The following GRIK1 variants were observed in gnomAD, a reference collection of about 807,000 sequenced individuals.
GRIK1 encodes the protein glutamate receptor ionotropic, kainate 1.
In GRIK1, 69 loss-of-function variants were observed where a neutral mutation model predicts 105.7. The ratio of observed to expected loss-of-function variants is 0.65; its 90% CI spans 0.54 to 0.80. The LOEUF (loss-of-function observed/expected upper bound fraction) is 0.80. Ranked by LOEUF, GRIK1 falls within the 30% of genes least tolerant of loss-of-function variation. The pLI, the probability that GRIK1 is intolerant of heterozygous loss-of-function variation, is 0.00. For missense variants in GRIK1, 1,109 were observed against 1,167.3 expected (o/e 0.95, Z 0.73); for synonymous variants, 438 against 431.3 (o/e 1.02, Z -0.19).
chr21:29,545,348 C>T (rs1280595718), intron 16 of GRIK1, among the ~76,000 whole-genome samples: 1 of 152,232 alleles, frequency 6.6e-6, no homozygotes, highest in Non-Finnish European at 1.5e-5. Flanking sequence ...TTCAGAGTCA[C>T]TGTCAGAGGC....
intron 1 of GRIK1, among the ~76,000 whole-genome samples, chr21:29,739,112 G>A (rs80269990): frequency 0.025 from 3,733 of 152,232 alleles, 130 homozygotes; most frequent in East Asian, 0.1. Flanking sequence ...TGGAGAAAAA[G>A]GACATTAAAA....
intron 4 of GRIK1, among the ~76,000 whole-genome samples, chr21:29,669,911 G>C (rs1451093384): frequency 6.6e-6 from 1 of 152,000 alleles, no homozygotes; most frequent in Non-Finnish European, 1.5e-5. Context: ...TTTTCTCCAG[G>C]GCAAATGGAG....
intron 1 of GRIK1, among the ~76,000 whole-genome samples, chr21:29,834,642 C>T: frequency 6.6e-6 from 1 of 151,122 alleles, no homozygotes; most frequent in East Asian, 1.9e-4. Context: ...ACTTCTTCAC[C>T]TCTCAGCTTT....
intron 4 of GRIK1, among the ~76,000 whole-genome samples, chr21:29,666,460 G>A (rs532035966): frequency 6.6e-6 from 1 of 152,098 alleles, no homozygotes; most frequent in African/African-American, 2.4e-5. Flanking sequence ...TAACTTGATG[G>A]TATTAGGCCA....
intron 1 of GRIK1, among the ~76,000 whole-genome samples, chr21:29,935,223 A>C (rs2071707222): frequency 6.6e-6 from 1 of 152,064 alleles, no homozygotes; most frequent in Admixed American, 6.5e-5. Flanking sequence ...TTAACTAAAA[A>C]CTCTTCAAGA....
intron 1 of GRIK1, among the ~76,000 whole-genome samples, chr21:29,867,838 A>G (rs1409336162): frequency 2.7e-5 from 4 of 149,860 alleles, no homozygotes; most frequent in African/African-American, 7.4e-5. Flanking sequence ...GAAAGAAAGA[A>G]AGAAGGAAGG....
At chr21:29,584,886 T>G (rs1370095766) in intron 12 of GRIK1, among the ~76,000 whole-genome samples, 1 of 152,140 alleles carries the variant, frequency 6.6e-6, no homozygotes, top group Non-Finnish European at 1.5e-5. Flanking sequence ...CAGAATTTTG[T>G]TTTTGGGAAT....
rs543400270 is a variant in GRIK1 at position 29,843,743 on chromosome 21, TAATTCATTTGTCAGAGTTGGGG to T, written c.118+95618_118+95639del. 2.8e-3 allele frequency among the ~76,000 whole-genome samples: 422 copies of T among 152,288 alleles called. 3 individuals are homozygous for T. The highest frequency in any genetic ancestry group is 9.3e-3 in the African/African-American group (387 of 41,566). On this transcript the variant is annotated intron_variant, in intron 1 of 17. Transcript: ENST00000327783. ...ACTTAGCAGAAATGGACCTGTAAAT[TAATTCATTTGTCAGAGTTGGGG>T]AGGGGGACTAACTGAGGGAGATAAT...
At chr21:29,740,293 C>T (rs1393020585) in intron 1 of GRIK1, among the ~76,000 whole-genome samples, 1 of 151,738 alleles carries the variant, frequency 6.6e-6, no homozygotes, top group Non-Finnish European at 1.5e-5. Context: ...TCTCGGCTGA[C>T]TGCAACCTCT....
intron 1 of GRIK1, among the ~76,000 whole-genome samples, chr21:29,785,258 T>C (rs943045814): frequency 2.0e-5 from 3 of 152,216 alleles, no homozygotes; most frequent in African/African-American, 4.8e-5. Flanking sequence ...AGGATTTATT[T>C]TGACTTTTAA....
chr21:29,560,351 CTT>C lies in GRIK1; in HGVS notation c.2356+1271_2356+1272del, dbSNP rs1568813254. Among the ~76,000 whole-genome samples, 132 of 88,494 alleles carry C rather than the reference CTT, an allele frequency of 1.5e-3. 3 individuals are homozygous for C. Among genetic ancestry groups the C allele is most frequent in the African/African-American group, 6.3e-3 (123 of 19,558 alleles). The allele number at this position is 88,494 out of a possible 152,430, so 58.1% of individuals were successfully genotyped here. ...TCTTTCTTTCTTTCTTTCTTTCTTTCTTTCTTTTTCTTTCTTCCTTCCTTCCT... is the reference window on the plus strand; with the variant it reads ...TCTTTCTTTCTTTCTTTCTTTCTTTCTCTTTTTCTTTCTTCCTTCCTTCCT... On this transcript the variant is annotated intron_variant, in intron 15 of 17. Transcript: ENST00000327783.
chr21:29,688,200 A>G (rs1302809669), intron 3 of GRIK1, among the ~76,000 whole-genome samples: 3 of 152,226 alleles, frequency 2.0e-5, no homozygotes, highest in Non-Finnish European at 4.4e-5. Flanking sequence ...TACTTATAAA[A>G]TATATACCCA....
intron 6 of GRIK1, among the ~76,000 whole-genome samples, chr21:29,645,446 T>C (rs2062598528): frequency 6.6e-6 from 1 of 152,194 alleles, no homozygotes; most frequent in Admixed American, 6.5e-5. Context: ...AATCTGACTT[T>C]TCCATAAACT....
At chr21:29,662,763 A>C (rs568500259) in intron 4 of GRIK1, among the ~76,000 whole-genome samples, 1 of 152,318 alleles carries the variant, frequency 6.6e-6, no homozygotes, top group South Asian at 2.1e-4. Context: ...TCTGAAAACT[A>C]TCAGGCTTAA....
chr21:29,537,735 A>G (rs767533050), intron 17 of GRIK1, 63 bp downstream of exon 17: 2 of 850,862 alleles, frequency 2.4e-6, no homozygotes, highest in East Asian at 2.4e-5. Context: ...GAGATGATCC[A>G]AACATTGATA....
At chr21:29,604,337 C>T (rs2061573221) in intron 7 of GRIK1, among the ~76,000 whole-genome samples, 1 of 152,148 alleles carries the variant, frequency 6.6e-6, no homozygotes, top group Non-Finnish European at 1.5e-5. Context: ...ATATCTTTGA[C>T]CTTCAACGTC....
Position 29,872,811 on chromosome 21 carries a change from C to A in GRIK1, c.118+66572G>T, listed in dbSNP as rs112493575. On this transcript the variant is annotated intron_variant, in intron 1 of 17. Transcript: ENST00000327783. ...ATGAGAACAGCATGGGAAGACCCAC[C>A]CCCATCACTCAATTACCCCCCACTG... Among the ~76,000 whole-genome samples, 1,231 of 152,208 alleles carry A rather than the reference C, an allele frequency of 8.1e-3. 16 individuals are homozygous for A. The highest frequency in any genetic ancestry group is 0.028 in the African/African-American group (1,161 of 41,526).
intron 2 of GRIK1, 75 bp downstream of exon 2, chr21:29,693,821 A>G: frequency 2.9e-6 from 3 of 1,045,324 alleles, no homozygotes; most frequent in Admixed American, 4.1e-5. Context: ...AAAAGAGGGC[A>G]GGTAGCAAAA....
At chr21:29,541,800 G>A (rs779294954) in intron 16 of GRIK1, among the ~76,000 whole-genome samples, 8 of 105,484 alleles carry the variant, frequency 7.6e-5, no homozygotes, top group Non-Finnish European at 1.4e-4. Context: ...TAGGCATTAT[G>A]ACAACTTGTA....
Sources: gnomAD v4.1 joint callset for allele counts (sites outside exome capture counted in the v4.1 genomes callset) on GRCh38, gnomAD v4.1.1 for gene constraint, MANE v1.5 for transcripts, NCBI Gene and HGNC (gene_info 2026-07-23, HGNC 2026-07-21) for gene names.